NF1: variants seen among roughly 807,000 people sequenced by gnomAD.
NF1 encodes neurofibromin 1.
Under a neutral mutation model 325.7 loss-of-function variants are expected in NF1, and 122 were observed. That is an observed-to-expected ratio of 0.37 (90% CI 0.32 to 0.44). The LOEUF is 0.44. NF1 is among the 20% of genes least tolerant of loss of function. The probability of loss-of-function intolerance (pLI) is 1.00; values close to 1 mark genes in which losing one functional copy is unlikely to be tolerated. For missense variants in NF1, 2,140 were observed against 3,415.4 expected (o/e 0.63, Z 9.31); for synonymous variants, 1,091 against 1,186.0 (o/e 0.92, Z 1.65).
At chr17:31,360,790 T>C (rs2070379519) in intron 57 of NF1, 87 bp downstream of exon 57, 1 of 1,205,834 alleles carries the variant, frequency 8.3e-7, no homozygotes, top group African/African-American at 1.5e-5. Context: ...TTATAGCAAA[T>C]TTTGCTCCTT....
intron 5 of NF1, among the ~76,000 whole-genome samples, chr17:31,179,933 A>G (rs1014122238): frequency 2.0e-5 from 3 of 152,244 alleles, no homozygotes; most frequent in East Asian, 3.8e-4. Context: ...CACCGATCCC[A>G]CAGAAATACA....
chr17:31,121,982 G>T (rs768191316), intron 1 of NF1, among the ~76,000 whole-genome samples: 1 of 152,138 alleles, frequency 6.6e-6, no homozygotes, highest in Non-Finnish European at 1.5e-5. Context: ...GTTCTTGCTT[G>T]GTTATAATAG....
intron 14 of NF1, among the ~76,000 whole-genome samples, chr17:31,220,420 TA>T (rs1411100433): frequency 3.3e-5 from 5 of 152,240 alleles, no homozygotes; most frequent in Non-Finnish European, 7.4e-5. Context: ...TTCATTTTTT[TA>T]TGCAAATAAT....
intron 29 of NF1, among the ~76,000 whole-genome samples, chr17:31,236,416 T>C (rs548657739): frequency 2.2e-4 from 34 of 152,192 alleles, no homozygotes; most frequent in Middle Eastern, 3.4e-3. Flanking sequence ...TAATAGGTAA[T>C]GCAGGCTGCA....
rs754657048 is a variant in NF1, at chr17:31,260,352, A to T, written c.4431-17A>T. 27 of 1,612,888 alleles carry T rather than the reference A, an allele frequency of 1.7e-5. No individual in the cohort carries two copies. The highest frequency in any genetic ancestry group is 2.2e-5 in the South Asian group (2 of 91,062). On this transcript the variant is annotated splice_polypyrimidine_tract_variant and intron_variant, in intron 33 of 57. Transcript: ENST00000358273. The stretch of plus-strand genomic sequence containing the variant: ...GTATCTGGTGTTGAAAATTCTAATG[A>T]CTTTGCATTTTTGAAGGTTTTTCCT...
chr17:31,188,935 G>C (rs1311806401), intron 8 of NF1, among the ~76,000 whole-genome samples: 1 of 152,118 alleles, frequency 6.6e-6, no homozygotes, highest in East Asian at 1.9e-4. Flanking sequence ...CCTCGTGATC[G>C]TGTAAGTTAA....
chr17:31,262,342 A>G (rs12600974), intron 35 of NF1, among the ~76,000 whole-genome samples: 82,441 of 152,094 alleles, frequency 0.54, 25,809 homozygotes, highest in Middle Eastern at 0.76. Context: ...CAGTATTGCT[A>G]TAAAATTTCT....
intron 46 of NF1, chr17:31,340,285 A>T: frequency 1.7e-6 from 1 of 572,386 alleles, no homozygotes; most frequent in Non-Finnish European, 3.1e-6. Flanking sequence ...GAACAGGGAG[A>T]AGTCAAAGGA....
At chr17:31,303,966 TG>T in intron 36 of NF1, 1 of 203,478 alleles carries the variant, frequency 4.9e-6, no homozygotes, top group Non-Finnish European at 9.9e-6. Context: ...AAAACTGTAC[TG>T]GGTAATAAGT....
intron 8 of NF1, among the ~76,000 whole-genome samples, chr17:31,199,818 A>C (rs2066494225): frequency 6.6e-6 from 1 of 152,180 alleles, no homozygotes; most frequent in African/African-American, 2.4e-5. Context: ...TTTAAATATC[A>C]AAAAGAAGAT....
At chr17:31,166,314 G>A (rs923669819) in intron 4 of NF1, among the ~76,000 whole-genome samples, 2 of 151,920 alleles carry the variant, frequency 1.3e-5, no homozygotes, top group Admixed American at 6.6e-5. Context: ...CATTTAAAAC[G>A]TATTTTACGT....
chr17:31,095,160 A>C lies in NF1; in HGVS notation c.-150A>C, dbSNP rs1264004377. On this transcript the variant is annotated 5_prime_UTR_variant, in exon 1 of 58. Coordinates refer to ENST00000358273, the MANE Select transcript of NF1 (RefSeq NM_001042492.3). ...CCCTCCCGCTCGGCGCTGACCCCCC[A>C]TCCCCACCCCCGTGGGAACACTGGG... The C allele has an allele frequency of 2.6e-4, 51 of 196,768 alleles. No individual in the cohort carries two copies. Among genetic ancestry groups the C allele is most frequent in the South Asian group, 9.3e-4 (17 of 18,190 alleles). The allele number at this position is 196,768 out of a possible 1,614,324, so 12.2% of individuals were successfully genotyped here.
At chr17:31,195,761 C>T (rs576735511) in intron 8 of NF1, among the ~76,000 whole-genome samples, 1 of 152,002 alleles carries the variant, frequency 6.6e-6, no homozygotes, top group East Asian at 1.9e-4. Context: ...GTCAGGATTT[C>T]CTTCCTCTTT....
At chr17:31,275,139 C>T (rs1163545784) in intron 36 of NF1, among the ~76,000 whole-genome samples, 1 of 152,168 alleles carries the variant, frequency 6.6e-6, no homozygotes, top group African/African-American at 2.4e-5. Context: ...CAAATACCCA[C>T]CAACTTTGTA....
chr17:31,223,667 C>T (rs1479715017), intron 16 of NF1, 100 bp downstream of exon 16: 2 of 1,112,988 alleles, frequency 1.8e-6, no homozygotes, highest in Non-Finnish European at 2.7e-6. Flanking sequence ...TCTATTTCAG[C>T]TTCTCCTTCC....
chr17:31,338,740 A>T lies in NF1; in HGVS notation c.6856A>T (p.Asn2286Tyr). The T allele has an allele frequency of 6.2e-7, 1 of 1,613,418 alleles. No homozygotes were observed. The highest frequency in any genetic ancestry group is 1.7e-5 in the Admixed American group (1 of 60,018). The change falls in exon 46 of 58, where the codon AAC (asparagine) becomes TAC (tyrosine). Residue 2286 changes from asparagine (N) to tyrosine (Y), a missense_variant. Physicochemically the swap from Asn to Tyr is moderately radical, Grantham distance 143. Coordinates refer to ENST00000358273, the MANE Select transcript of NF1 (RefSeq NM_001042492.3). ...ESCLKGPDTYNSQVLIEATVI... is the reference protein window; with the variant it reads ...ESCLKGPDTYYSQVLIEATVI... ...TTGCTTAAAAGGACCTGACACTTAC[A>T]ACAGTCAAGTTCTGATAGAAGCTAC...
rs1597844091 is a variant in NF1, at chr17:31,337,576, C to G, written c.6636C>G (p.Ile2212Met). Residue 2212 changes from isoleucine (I) to methionine (M), a missense_variant, in exon 43 of 58, where the codon ATC becomes ATG. Ile to Met is a conservative substitution (Grantham distance 10, BLOSUM62 1). This residue lies in a region of NF1 where 522 missense variants were observed against 749.0 expected (regional missense o/e 0.70). Transcript: ENST00000358273. The stretch of plus-strand genomic sequence containing the variant: ...CAGTCACAGAAGCTTTGTTGGAGAT[C>G]ATGGAGGTATAGAAGCCAAAATGAT... Reference protein sequence around the residue: ...LETVTEALLEIMEACMRDIPT... With the variant: ...LETVTEALLEMMEACMRDIPT... The G allele has an allele frequency of 6.2e-7, 1 of 1,613,734 alleles. No homozygotes were observed. Among genetic ancestry groups the G allele is most frequent in the African/African-American group, 1.3e-5 (1 of 74,986 alleles).
chr17:31,241,686 TG>T (rs1370192760), intron 29 of NF1, among the ~76,000 whole-genome samples: 1 of 152,234 alleles, frequency 6.6e-6, no homozygotes, highest in Non-Finnish European at 1.5e-5. Flanking sequence ...TTTAACTTTT[TG>T]TTGTTTTTAT....
Position 31,338,494 on chromosome 17 carries a change from A to G in NF1, c.6820-210A>G, listed in dbSNP as rs183604265. On this transcript the variant is annotated intron_variant, in intron 45 of 57. Coordinates refer to ENST00000358273, the MANE Select transcript of NF1 (RefSeq NM_001042492.3). Reference sequence around the variant, plus strand: ...TAAAATTATTTAATTTGTAATTACTATAATAATGTCTGACTCTTATAATGT... The same window carrying G: ...TAAAATTATTTAATTTGTAATTACTGTAATAATGTCTGACTCTTATAATGT... 9.5e-4 allele frequency among the ~76,000 whole-genome samples: 145 copies of G among 152,304 alleles called. 3 individuals carry two copies. The highest frequency in any genetic ancestry group is 3.5e-4 in the Non-Finnish European group (24 of 67,998).
Sources: gnomAD v4.1 joint callset for allele counts (sites outside exome capture counted in the v4.1 genomes callset) on GRCh38, gnomAD v4.1.1 for gene constraint, gnomAD v4.1.1 regional missense constraint, MANE v1.5 for transcripts, NCBI Gene and HGNC (gene_info 2026-07-23, HGNC 2026-07-21) for gene names.